PIP5K1B: variants seen among roughly 807,000 people sequenced by gnomAD.
The protein encoded by PIP5K1B is phosphatidylinositol 4-phosphate 5-kinase type-1 beta.
A neutral mutation model predicts 67.0 loss-of-function variants in PIP5K1B; 42 were observed. That is an observed-to-expected ratio of 0.63 (90% CI 0.49 to 0.81). PIP5K1B has a LOEUF of 0.81. Among genes scored for constraint, PIP5K1B ranks in the 30% least tolerant of loss-of-function variants. The probability of loss-of-function intolerance (pLI) is 0.00; values close to 1 mark genes in which losing one functional copy is unlikely to be tolerated. For missense variants in PIP5K1B, 459 were observed against 646.3 expected (o/e 0.71, Z 3.14); for synonymous variants, 214 against 231.4 (o/e 0.92, Z 0.68).
intron 8 of PIP5K1B, among the ~76,000 whole-genome samples, chr9:68,905,097 G>A (rs907592316): frequency 6.6e-5 from 10 of 151,834 alleles, no homozygotes; most frequent in Admixed American, 5.9e-4. Context: ...AGAACCTACT[G>A]GTCTCTGATT....
chr9:68,870,291 G>A (rs1823567264), intron 5 of PIP5K1B, among the ~76,000 whole-genome samples: 1 of 152,228 alleles, frequency 6.6e-6, no homozygotes, highest in African/African-American at 2.4e-5. Context: ...TTCAGATGCT[G>A]ACTTTTACAG....
intron 2 of PIP5K1B, among the ~76,000 whole-genome samples, chr9:68,808,130 A>G (rs12555680): frequency 0.11 from 16,507 of 152,258 alleles, 1,009 homozygotes; most frequent in Non-Finnish European, 0.15. Flanking sequence ...CCTGGGAGGC[A>G]GAGGTTGCAG....
In PIP5K1B at chr9:68,919,704, C is replaced by A; in HGVS notation, c.1091C>A (p.Ser364Tyr). The A allele has an allele frequency of 6.4e-7, 1 of 1,554,482 alleles. No individual in the cohort carries two copies. Among genetic ancestry groups the A allele is most frequent in the Non-Finnish European group, 8.9e-7 (1 of 1,126,968 alleles). ...SYRLMKKLEH[S>Y]WKALVYDGDT... ...AGGTTAATGAAGAAGTTAGAACATT[C>A]CTGGAAAGCTCTTGTTTATGATGGG... The change falls in exon 11 of 16, where the codon TCC (serine) becomes TAC (tyrosine). Residue 364 changes from serine to tyrosine, a missense_variant. Transcript: ENST00000265382.
intron 13 of PIP5K1B, among the ~76,000 whole-genome samples, 175 bp downstream of exon 13, chr9:68,935,220 A>G (rs1290952128): frequency 1.3e-5 from 2 of 152,224 alleles, no homozygotes; most frequent in Admixed American, 6.5e-5. Flanking sequence ...TAATCCTTAC[A>G]CTTTGGGAGG....
intron 12 of PIP5K1B, among the ~76,000 whole-genome samples, chr9:68,929,184 AAAGT>A (rs1429395006): frequency 1.3e-5 from 2 of 150,918 alleles, no homozygotes; most frequent in African/African-American, 4.9e-5. Flanking sequence ...AAAAAAAAAA[AAAGT>A]AAGGTGACTG....
At chr9:68,809,872 C>A (rs957291633) in intron 2 of PIP5K1B, among the ~76,000 whole-genome samples, 1 of 152,208 alleles carries the variant, frequency 6.6e-6, no homozygotes, top group African/African-American at 2.4e-5. Flanking sequence ...CACTGCAATG[C>A]CTGTCTCTCC....
At chr9:68,764,871 A>G (rs189981232) in intron 2 of PIP5K1B, among the ~76,000 whole-genome samples, 1 of 152,094 alleles carries the variant, frequency 6.6e-6, no homozygotes, top group Admixed American at 6.6e-5. Context: ...TTCCTTAGTG[A>G]TGGTTATTTA....
intron 9 of PIP5K1B, among the ~76,000 whole-genome samples, chr9:68,918,076 T>C (rs1826187390): frequency 6.6e-6 from 1 of 150,980 alleles, no homozygotes; most frequent in Admixed American, 6.6e-5. Flanking sequence ...AATAAACATG[T>C]TTTATTGTTT....
At chr9:68,757,624 C>T (rs562885934) in intron 2 of PIP5K1B, among the ~76,000 whole-genome samples, 1 of 152,180 alleles carries the variant, frequency 6.6e-6, no homozygotes, top group Non-Finnish European at 1.5e-5. Context: ...AATGCTCTGA[C>T]CATGTGTGGA....
intron 8 of PIP5K1B, among the ~76,000 whole-genome samples, chr9:68,910,713 G>T (rs1825808942): frequency 6.6e-6 from 1 of 152,226 alleles, no homozygotes; most frequent in South Asian, 2.1e-4. Flanking sequence ...TCAGAGGGGA[G>T]ACATATCCCA....
chr9:68,765,228 CATT>C (rs1830372476), intron 2 of PIP5K1B, among the ~76,000 whole-genome samples: 1 of 152,004 alleles, frequency 6.6e-6, no homozygotes, highest in South Asian at 2.1e-4. Context: ...ATATTTCAAA[CATT>C]ATAGATGTTG....
At chr9:68,798,878 G>A (rs549902575) in intron 2 of PIP5K1B, among the ~76,000 whole-genome samples, 14 of 152,296 alleles carry the variant, frequency 9.2e-5, no homozygotes, top group African/African-American at 2.4e-4. Flanking sequence ...GTAGCAATTA[G>A]GATGGAGAAC....
At chr9:69,008,055 T>C (rs1704734588) in intron 15 of PIP5K1B, among the ~76,000 whole-genome samples, 1 of 152,140 alleles carries the variant, frequency 6.6e-6, no homozygotes, top group Non-Finnish European at 1.5e-5. Context: ...AGTGATATTG[T>C]TTGGAAAAAA....
chr9:68,822,722 T>C, intron 4 of PIP5K1B, 39 bp downstream of exon 4: 1 of 1,421,128 alleles, frequency 7.0e-7, no homozygotes. Flanking sequence ...GAACACCGTT[T>C]TGCTGTTTGG....
intron 1 of PIP5K1B, among the ~76,000 whole-genome samples, chr9:68,717,774 A>G (rs1202959828): frequency 3.3e-5 from 5 of 152,332 alleles, no homozygotes; most frequent in Middle Eastern, 3.4e-3. Context: ...TCAGTGTGCT[A>G]TAAGAAACAC....
At chr9:68,795,147 G>T (rs1384918378) in intron 2 of PIP5K1B, among the ~76,000 whole-genome samples, 1 of 152,050 alleles carries the variant, frequency 6.6e-6, no homozygotes, top group Non-Finnish European at 1.5e-5. Flanking sequence ...CTTTGTGTGT[G>T]TGTGAGAGAG....
intron 14 of PIP5K1B, among the ~76,000 whole-genome samples, chr9:68,950,515 C>T (rs943915324): frequency 2.6e-5 from 4 of 152,148 alleles, no homozygotes; most frequent in Non-Finnish European, 5.9e-5. Flanking sequence ...AGACGTTTCC[C>T]TTTGGCCCAA....
intron 14 of PIP5K1B, among the ~76,000 whole-genome samples, chr9:68,972,461 T>C (rs950797423): frequency 6.6e-6 from 1 of 152,018 alleles, no homozygotes; most frequent in African/African-American, 2.4e-5. Flanking sequence ...GCTAACGTGG[T>C]AAAACCCCGT....
intron 2 of PIP5K1B, among the ~76,000 whole-genome samples, chr9:68,804,311 G>A (rs746136532): frequency 2.6e-5 from 4 of 152,222 alleles, no homozygotes; most frequent in African/African-American, 4.8e-5. Context: ...TGTGGGGAGC[G>A]GAGAACATAC....
Sources: allele counts gnomAD v4.1 joint callset (sites outside exome capture counted in the v4.1 genomes callset), GRCh38; gene constraint gnomAD v4.1.1; transcripts MANE v1.5; gene names NCBI Gene and HGNC (gene_info 2026-07-23, HGNC 2026-07-21).